Variants in PCDHGA4 observed in about 807,000 individuals in gnomAD.
PCDHGA4 encodes the protein protocadherin gamma-A4.
PCDHGA4 carries 38 observed loss-of-function variants against 54.6 expected under a neutral mutation model. That is an observed-to-expected ratio of 0.70 (90% CI 0.54 to 0.91). The LOEUF is 0.91. Among genes scored for constraint, PCDHGA4 ranks in the 40% least tolerant of loss-of-function variants. The probability of loss-of-function intolerance (pLI) is 0.00; values close to 1 mark genes in which losing one functional copy is unlikely to be tolerated. For missense variants in PCDHGA4, 1,298 were observed against 1,220.9 expected, an observed-to-expected ratio of 1.06 and a Z score of -0.94; for synonymous variants, 511 against 512.9, an observed-to-expected ratio of 1.00 and a Z score of 0.05.
At chr5:141,390,405 T>C in intron 1 of PCDHGA4, 1 of 1,264,524 alleles carries the variant, frequency 7.9e-7, no homozygotes, top group Non-Finnish European at 1.1e-6. Flanking sequence ...TTTAGGAAAG[T>C]TGTAGTCAGT....
At chr5:141,409,219 T>A in intron 1 of PCDHGA4, 1 of 1,614,022 alleles carries the variant, frequency 6.2e-7, no homozygotes, top group Non-Finnish European at 8.5e-7. Context: ...AAATCCTTGA[T>A]GAAAACGACA....
chr5:141,360,653 A>T, intron 1 of PCDHGA4: 1 of 1,614,020 alleles, frequency 6.2e-7, no homozygotes, highest in Non-Finnish European at 8.5e-7. Flanking sequence ...TACCACCTTA[A>T]TGACAACGAG....
intron 1 of PCDHGA4, among the ~76,000 whole-genome samples, chr5:141,469,967 C>G (rs2099217411): frequency 6.6e-6 from 1 of 152,124 alleles, no homozygotes; most frequent in Admixed American, 6.6e-5. Flanking sequence ...CCCATCTGTA[C>G]CAAAAATACA....
At position 141,362,111 on chromosome 5, in the gene PCDHGA4, C is replaced by T; in HGVS notation, c.2514+4490C>T. The T allele has an allele frequency of 1.9e-6, 3 of 1,614,022 alleles. No individual in the cohort carries two copies. The highest frequency in any genetic ancestry group is 2.2e-5 in the East Asian group (1 of 44,872). ...CAGCCGCCACTCTCCGCTACGGCCACGCTGCACCTAATCTTCGCGGATAGC... is the reference window on the plus strand; with the variant it reads ...CAGCCGCCACTCTCCGCTACGGCCATGCTGCACCTAATCTTCGCGGATAGC... On this transcript the variant is annotated intron_variant, in intron 1 of 3. Transcript: ENST00000571252.
chr5:141,360,863 G>T, intron 1 of PCDHGA4: 1 of 1,614,000 alleles, frequency 6.2e-7, no homozygotes, highest in Non-Finnish European at 8.5e-7. Context: ...CCAGTGTTCA[G>T]CCAGGACGTG....
chr5:141,420,036 G>C, intron 1 of PCDHGA4: 1 of 1,614,078 alleles, frequency 6.2e-7, no homozygotes. Context: ...GCAGGAGACT[G>C]CTTTGAGTCA....
At chr5:141,463,301 A>G (rs1277348576) in intron 1 of PCDHGA4, among the ~76,000 whole-genome samples, 2 of 151,638 alleles carry the variant, frequency 1.3e-5, no homozygotes, top group South Asian at 2.1e-4. Flanking sequence ...AATCTCCCCA[A>G]ACTCTAATAT....
At chr5:141,374,211 C>G in intron 1 of PCDHGA4, 2 of 1,613,954 alleles carry the variant, frequency 1.2e-6, no homozygotes, top group Non-Finnish European at 1.7e-6. Context: ...GAGAAAGGCT[C>G]CTTCGTAGGC....
intron 1 of PCDHGA4, chr5:141,408,498 G>A (rs934521153): frequency 1.7e-5 from 27 of 1,613,634 alleles, no homozygotes; most frequent in Non-Finnish European, 2.3e-5. Flanking sequence ...TGCAAAGAGA[G>A]AAGAAGATGT....
Position 141,485,932 on chromosome 5 carries a change from G to A in PCDHGA4, c.2515-8875G>A. ...CCAGCTACAGGATTAGTGTGTTGGA[G>A]AGCGCACCAGCGGGCATGGTGCTCA... On this transcript the variant is annotated intron_variant, in intron 1 of 3. Transcript: ENST00000571252. The surrounding 1 kb of genome is among the most constrained non-coding windows in gnomAD (Gnocchi z 5.7). The A allele has an allele frequency of 6.2e-7, 1 of 1,614,184 alleles. No homozygotes were observed. The highest frequency in any genetic ancestry group is 8.5e-7 in the Non-Finnish European group (1 of 1,180,042).
Position 141,485,859 on chromosome 5 carries a change from G to A in PCDHGA4, c.2515-8948G>A, listed in dbSNP as rs1272239385. ...CCGAGATCTGGCACCGCAGAGCTCC[G>A]GGTATCCGTGCTGGACGTAAACGAC... On this transcript the variant is annotated intron_variant, in intron 1 of 3. Transcript: ENST00000571252. This position sits in a 1 kb window ranked among gnomAD's most constrained non-coding sequence, Gnocchi z 5.7. 3.7e-6 allele frequency: 6 copies of A among 1,614,046 alleles called. No homozygotes were observed. Among genetic ancestry groups the A allele is most frequent in the Admixed American group, 3.3e-5 (2 of 60,000 alleles).
At chr5:141,360,039 CAG>C in intron 1 of PCDHGA4, 1 of 1,415,286 alleles carries the variant, frequency 7.1e-7, no homozygotes, top group Non-Finnish European at 9.3e-7. Context: ...GATTCGGAAA[CAG>C]AAAACAAAAG....
intron 1 of PCDHGA4, chr5:141,408,406 G>T (rs750833105): frequency 5.0e-6 from 8 of 1,614,066 alleles, no homozygotes; most frequent in East Asian, 2.2e-5. Flanking sequence ...AGCTGCGAGT[G>T]AGCGCGGAGA....
chr5:141,361,135 C>A, intron 1 of PCDHGA4: 1 of 1,613,506 alleles, frequency 6.2e-7, no homozygotes, highest in Non-Finnish European at 8.5e-7. Flanking sequence ...CTGCAGTATC[C>A]AAGTTGAAAT....
At chr5:141,388,333 C>G (rs962073146) in intron 1 of PCDHGA4, 1 of 1,613,738 alleles carries the variant, frequency 6.2e-7, no homozygotes, top group African/African-American at 1.3e-5. Flanking sequence ...CAGCCTGGCA[C>G]ACGATTTATA....
At chr5:141,375,949 C>T (rs759212599) in intron 1 of PCDHGA4, 36 of 1,613,450 alleles carry the variant, frequency 2.2e-5, no homozygotes, top group African/African-American at 2.7e-5. Flanking sequence ...TGGGCCTGCA[C>T]ACGGGCGAGG....
intron 1 of PCDHGA4, among the ~76,000 whole-genome samples, chr5:141,445,923 T>C (rs1169404585): frequency 6.6e-6 from 1 of 152,200 alleles, no homozygotes; most frequent in Non-Finnish European, 1.5e-5. Context: ...AGTGACAAGA[T>C]ATTTGAATTA....
At chr5:141,445,294 T>G (rs1012635904) in intron 1 of PCDHGA4, among the ~76,000 whole-genome samples, 2 of 152,238 alleles carry the variant, frequency 1.3e-5, no homozygotes. Flanking sequence ...CAGGCTTCCA[T>G]TCTCTTCAGT....
chr5:141,422,838 C>T (rs201218542), intron 1 of PCDHGA4: 182 of 1,614,252 alleles, frequency 1.1e-4, no homozygotes, highest in Middle Eastern at 1.6e-4. Context: ...TAGCACGTGA[C>T]AGCGGGGACC....
Sources: gnomAD v4.1 joint callset for allele counts (sites outside exome capture counted in the v4.1 genomes callset) on GRCh38, gnomAD v4.1.1 for gene constraint, Gnocchi (gnomAD v3.1) non-coding constraint, MANE v1.5 for transcripts, NCBI Gene and HGNC (gene_info 2026-07-23, HGNC 2026-07-21) for gene names.